Variants in PRDM5 observed in about 807,000 individuals in gnomAD.
PRDM5 encodes the protein PR domain zinc finger protein 5.
Under a neutral mutation model 81.2 loss-of-function variants are expected in PRDM5, and 56 were observed. The observed-to-expected ratio is 0.69, with a 90% CI of 0.56 to 0.86. The LOEUF (loss-of-function observed/expected upper bound fraction) is 0.86. Ranked by LOEUF, PRDM5 falls within the 40% of genes least tolerant of loss-of-function variation. The pLI is 0.00. For missense variants in PRDM5, 697 were observed against 770.1 expected (o/e 0.91, Z 1.12); for synonymous variants, 267 against 256.4 (o/e 1.04, Z -0.39).
chr4:120,864,646 T>C (rs543881714), intron 2 of PRDM5, among the ~76,000 whole-genome samples: 15 of 152,192 alleles, frequency 9.9e-5, no homozygotes, highest in Non-Finnish European at 2.2e-4. Flanking sequence ...TTGATCAGTA[T>C]CAGAAAGGGT....
intron 1 of PRDM5, among the ~76,000 whole-genome samples, chr4:120,909,498 A>G (rs1390764990): frequency 6.6e-6 from 1 of 152,082 alleles, no homozygotes; most frequent in African/African-American, 2.4e-5. Context: ...TTTTCGGTCC[A>G]CTCTGTCATG....
chr4:120,748,621 G>C (rs1743499228), intron 14 of PRDM5, among the ~76,000 whole-genome samples: 1 of 150,990 alleles, frequency 6.6e-6, no homozygotes, highest in South Asian at 2.1e-4. Flanking sequence ...AGTCTGGGCA[G>C]CAGAGCAAGA....
intron 3 of PRDM5, among the ~76,000 whole-genome samples, chr4:120,831,672 A>T (rs929069525): frequency 3.5e-5 from 5 of 143,818 alleles, no homozygotes; most frequent in African/African-American, 7.9e-5. Flanking sequence ...GCTTTGCAAG[A>T]GTCTACTTAT....
intron 15 of PRDM5, among the ~76,000 whole-genome samples, chr4:120,704,779 G>A (rs1349299968): frequency 6.6e-6 from 1 of 152,172 alleles, no homozygotes; most frequent in African/African-American, 2.4e-5. Context: ...CAGAAGGCCT[G>A]GATCTGGAAG....
At chr4:120,686,459 A>T (rs1733837351) in intron 1 of PRDM5, among the ~76,000 whole-genome samples, 1 of 152,132 alleles carries the variant, frequency 6.6e-6, no homozygotes, top group African/African-American at 2.4e-5. Flanking sequence ...TCGTGCTTCT[A>T]ACTGATAATC....
intron 14 of PRDM5, among the ~76,000 whole-genome samples, chr4:120,718,595 T>C (rs1047851286): frequency 6.6e-6 from 1 of 152,212 alleles, no homozygotes; most frequent in Non-Finnish European, 1.5e-5. Flanking sequence ...TTAATGCCTT[T>C]AATTGTATAT....
downstream of PRDM5, among the ~76,000 whole-genome samples, chr4:120,689,918 A>G (rs889110374): frequency 6.6e-6 from 1 of 152,084 alleles, no homozygotes; most frequent in Non-Finnish European, 1.5e-5. Context: ...TCCAGCCTCA[A>G]AATTCTTAAT....
At chr4:120,874,218 T>C (rs1762124446) in intron 2 of PRDM5, among the ~76,000 whole-genome samples, 1 of 152,200 alleles carries the variant, frequency 6.6e-6, no homozygotes, top group Non-Finnish European at 1.5e-5. Flanking sequence ...CTATCATTAA[T>C]GAAAATTTCA....
At chr4:120,899,997 G>C (rs1314367576) in intron 2 of PRDM5, among the ~76,000 whole-genome samples, 2 of 152,156 alleles carry the variant, frequency 1.3e-5, no homozygotes, top group Non-Finnish European at 2.9e-5. Flanking sequence ...GAGATGCATA[G>C]ATACAGAAAA....
intron 7 of PRDM5, chr4:120,813,039 A>G: frequency 6.4e-6 from 1 of 156,802 alleles, no homozygotes; most frequent in Non-Finnish European, 1.4e-5. Flanking sequence ...AAAATCTTTA[A>G]GTATATGCTT....
At chr4:120,882,748 G>A (rs746230602) in intron 2 of PRDM5, among the ~76,000 whole-genome samples, 30 of 152,042 alleles carry the variant, frequency 2.0e-4, no homozygotes, top group Admixed American at 1.0e-3. Context: ...AGTTACATTC[G>A]TGTGTAGAAA....
chr4:120,899,370 C>T (rs762204234), intron 2 of PRDM5, among the ~76,000 whole-genome samples: 19 of 152,146 alleles, frequency 1.2e-4, no homozygotes, highest in Non-Finnish European at 2.5e-4. Context: ...GGCCATAATT[C>T]GTCACACAGC....
At chr4:120,803,680 C>T (rs561536981) in intron 8 of PRDM5, among the ~76,000 whole-genome samples, 6 of 152,224 alleles carry the variant, frequency 3.9e-5, no homozygotes, top group African/African-American at 1.4e-4. Context: ...ACCAGGCCTG[C>T]CCTACAAGAG....
intron 4 of PRDM5, among the ~76,000 whole-genome samples, chr4:120,819,232 T>G (rs916100669): frequency 1.3e-5 from 2 of 152,240 alleles, no homozygotes; most frequent in South Asian, 2.1e-4. Flanking sequence ...TTTGGGATCA[T>G]ACTTTATATA....
chr4:120,725,035 C>T (rs887058211), intron 14 of PRDM5, among the ~76,000 whole-genome samples: 1 of 152,186 alleles, frequency 6.6e-6, no homozygotes, highest in African/African-American at 2.4e-5. Context: ...TGGCAGAGAT[C>T]TTGCTAGATT....
At chr4:120,897,442 C>T (rs545771036) in intron 2 of PRDM5, among the ~76,000 whole-genome samples, 1 of 151,862 alleles carries the variant, frequency 6.6e-6, no homozygotes, top group Non-Finnish European at 1.5e-5. Flanking sequence ...TAGGTGTAAC[C>T]GTCTTTCTAC....
chr4:120,914,050 A>G (rs1766804242), intron 1 of PRDM5, among the ~76,000 whole-genome samples: 1 of 152,164 alleles, frequency 6.6e-6, no homozygotes, highest in Non-Finnish European at 1.5e-5. Flanking sequence ...GCCCATACAA[A>G]GGAGCAGAGC....
intron 14 of PRDM5, among the ~76,000 whole-genome samples, chr4:120,738,574 C>T (rs1741450632): frequency 6.6e-6 from 1 of 152,090 alleles, no homozygotes; most frequent in South Asian, 2.1e-4. Flanking sequence ...TACTATAAGC[C>T]TTTCTAAACA....
chr4:120,860,697 T>C (rs1760467737), intron 2 of PRDM5, among the ~76,000 whole-genome samples: 1 of 152,242 alleles, frequency 6.6e-6, no homozygotes, highest in Non-Finnish European at 1.5e-5. Context: ...TAAAACATGC[T>C]GGTTTTTATG....
Sources: allele counts gnomAD v4.1 joint callset (sites outside exome capture counted in the v4.1 genomes callset), GRCh38; gene constraint gnomAD v4.1.1; transcripts MANE v1.5; gene names NCBI Gene and HGNC (gene_info 2026-07-23, HGNC 2026-07-21).